PKNOX2: variants seen among roughly 807,000 people sequenced by gnomAD.
PKNOX2 encodes the protein PBX/knotted 1 homeobox 2, also known as homeobox protein PKNOX2.
In PKNOX2, 14 loss-of-function variants were observed where a neutral mutation model predicts 53.1. The ratio of observed to expected loss-of-function variants is 0.26; its 90% CI spans 0.17 to 0.41. The LOEUF (loss-of-function observed/expected upper bound fraction) is 0.41, where lower values mean the gene tolerates loss of function less well. Ranked by LOEUF, PKNOX2 falls within the 10% of genes least tolerant of loss-of-function variation. PKNOX2 has a pLI of 1.00. For missense variants in PKNOX2, 496 were observed against 602.8 expected (o/e 0.82, Z 1.85); for synonymous variants, 257 against 242.8 (o/e 1.06, Z -0.54).
At position 125,175,031 on chromosome 11, in the gene PKNOX2, G is replaced by A. The variant is rs1320750961; in HGVS notation, c.-201+10255G>A. ...TTCCAAGGAACCTGACTTAGTCTCC[G>A]GCACTGGCATAGCACCCCTTGAGAA... is the stretch of plus-strand genomic sequence containing the variant. On this transcript the variant is annotated intron_variant, in intron 1 of 12. Transcript: ENST00000298282. Among the ~76,000 whole-genome samples, 19 of 152,118 alleles carry A rather than the reference G, an allele frequency of 1.2e-4. 1 individual carries two copies. The highest frequency in any genetic ancestry group is 2.6e-4 in the Non-Finnish European group (18 of 68,028).
At chr11:125,269,367 A>G (rs1273625276) in intron 2 of PKNOX2, among the ~76,000 whole-genome samples, 1 of 152,090 alleles carries the variant, frequency 6.6e-6, no homozygotes, top group Non-Finnish European at 1.5e-5. Context: ...CTTTATATTT[A>G]TGCTTTCTCT....
rs1565508182 is a variant in PKNOX2, at chr11:125,367,897, G to A, written c.139G>A (p.Ala47Thr). ...PSKAQAVHIS[A>T]PSAAASTPVP... The stretch of plus-strand genomic sequence containing the variant: ...CAAGGCCCAGGCTGTCCACATCTCT[G>A]CCCCCTCAGCTGCTGCCAGCACACC... Residue 47 changes from alanine (A) to threonine (T), a missense_variant, in exon 5 of 13, where the codon GCC (alanine) becomes ACC (threonine). By Grantham distance (58) the Ala-to-Thr change is moderately conservative. Around this residue, in one of 5 missense-constraint regions of PKNOX2, gnomAD observed 168 missense variants for 178.4 expected, o/e 0.94. Transcript: ENST00000298282. 9.3e-6 allele frequency: 15 copies of A among 1,613,532 alleles called. No individual in the cohort carries two copies. Among genetic ancestry groups the A allele is most frequent in the Non-Finnish European group, 1.2e-5 (14 of 1,179,868 alleles).
rs553690352 is a variant in PKNOX2 at position 125,309,581 on chromosome 11, T to A, written c.-129-22238T>A. On this transcript the variant is annotated intron_variant, in intron 2 of 12. Coordinates refer to ENST00000298282, the MANE Select transcript of PKNOX2 (RefSeq NM_001382323.2). ...TTTGCATTTTTTAGTAGAGACAGGG[T>A]TTCACCATGTTGGCCAGGCTGGTAT... Among the ~76,000 whole-genome samples the A allele has an allele frequency of 4.6e-3, 696 of 152,166 alleles. 2 individuals are homozygous for A. The highest frequency in any genetic ancestry group is 0.021 in the South Asian group (99 of 4,808).
In PKNOX2 at chr11:125,282,697, G is replaced by C. The variant is rs1022990430; in HGVS notation, c.-130+47582G>C. Among the ~76,000 whole-genome samples the C allele has an allele frequency of 5.9e-5, 9 of 152,198 alleles. No individual in the cohort carries two copies. The East Asian group carries it at 1.7e-3, about 29-fold the overall frequency. On this transcript the variant is annotated intron_variant, in intron 2 of 12. Transcript: ENST00000298282. ...GCTTTGTTTACCAAAGCTTCCAAGT[G>C]GGTGTAGAGGACCAAATTTAGACTA...
chr11:125,407,913 G>A (rs1185060301), intron 7 of PKNOX2, among the ~76,000 whole-genome samples: 2 of 152,340 alleles, frequency 1.3e-5, no homozygotes, highest in East Asian at 3.9e-4. Flanking sequence ...GGGTCCCGGT[G>A]TCACATGCAC....
intron 2 of PKNOX2, among the ~76,000 whole-genome samples, chr11:125,236,308 C>A (rs931449111): frequency 4.9e-5 from 7 of 141,598 alleles, no homozygotes; most frequent in Admixed American, 1.6e-4. Context: ...CAGGAGCAGT[C>A]GGATCTCCAG....
At chr11:125,309,929 T>C (rs751269371) in intron 2 of PKNOX2, among the ~76,000 whole-genome samples, 2 of 152,246 alleles carry the variant, frequency 1.3e-5, no homozygotes, top group East Asian at 1.9e-4. Flanking sequence ...GACTGAATTC[T>C]ACTGACCAAC....
At chr11:125,351,233 C>T in intron 3 of PKNOX2, 51 bp from the exon 4 acceptor site, 5 of 818,604 alleles carry the variant, frequency 6.1e-6, no homozygotes, top group Middle Eastern at 4.4e-4. Context: ...GTGCCCAGGG[C>T]GGGCCTGCTC....
chr11:125,253,747 C>A (rs1463097534), intron 2 of PKNOX2, among the ~76,000 whole-genome samples: 1 of 152,082 alleles, frequency 6.6e-6, no homozygotes, highest in African/African-American at 2.4e-5. Context: ...TAAATAAATG[C>A]TATTAGGGAA....
chr11:125,174,545 C>T (rs557051149), intron 1 of PKNOX2, among the ~76,000 whole-genome samples: 3 of 152,330 alleles, frequency 2.0e-5, no homozygotes, highest in South Asian at 4.1e-4. Flanking sequence ...CGAGGTCCAT[C>T]AGGCACCATG....
At position 125,166,245 on chromosome 11, in the gene PKNOX2, T is replaced by C. The variant is rs1246233067; in HGVS notation, c.-201+1469T>C. Reference sequence around the variant, plus strand: ...AGCTTTTTCTTGTGGTGGAAGCTATTGGAATTTGGGGAGGGTAGCACGAGG... The same window carrying C: ...AGCTTTTTCTTGTGGTGGAAGCTATCGGAATTTGGGGAGGGTAGCACGAGG... On this transcript the variant is annotated intron_variant, in intron 1 of 12. Transcript: ENST00000298282. The surrounding 1 kb of genome is among the most constrained non-coding windows in gnomAD (Gnocchi z 4.0). 6.6e-6 allele frequency among the ~76,000 whole-genome samples: 1 copy of C among 152,002 alleles called. No homozygotes were observed. The highest frequency in any genetic ancestry group is 1.9e-4 in the East Asian group (1 of 5,176).
At chr11:125,283,334 T>C (rs1946696108) in intron 2 of PKNOX2, among the ~76,000 whole-genome samples, 1 of 152,194 alleles carries the variant, frequency 6.6e-6, no homozygotes, top group Non-Finnish European at 1.5e-5. Flanking sequence ...GAATGGAGGT[T>C]GGGGTCAAGA....
chr11:125,396,584 A>T (rs1294512781), intron 6 of PKNOX2, among the ~76,000 whole-genome samples: 12 of 140,760 alleles, frequency 8.5e-5, no homozygotes, highest in African/African-American at 3.0e-4. Flanking sequence ...AACTTTTAAA[A>T]AAAAAAAAAA....
At chr11:125,401,895 C>G (rs1330678666) in intron 7 of PKNOX2, among the ~76,000 whole-genome samples, 2 of 152,164 alleles carry the variant, frequency 1.3e-5, no homozygotes, top group Admixed American at 6.5e-5. Context: ...GGTGTCTCCC[C>G]TCTGGAACAT....
intron 1 of PKNOX2, among the ~76,000 whole-genome samples, chr11:125,192,053 G>A (rs1262105650): frequency 6.6e-6 from 1 of 152,100 alleles, no homozygotes; most frequent in African/African-American, 2.4e-5. Context: ...AGGGATTATT[G>A]TGGCACAGGG....
At chr11:125,257,642 C>T (rs1455324937) in intron 2 of PKNOX2, among the ~76,000 whole-genome samples, 2 of 152,156 alleles carry the variant, frequency 1.3e-5, no homozygotes, top group Non-Finnish European at 2.9e-5. Context: ...ACGATCCTGC[C>T]CACAGGTAAG....
intron 2 of PKNOX2, among the ~76,000 whole-genome samples, chr11:125,310,524 A>C (rs1263994954): frequency 3.3e-5 from 5 of 151,752 alleles, no homozygotes; most frequent in Non-Finnish European, 7.4e-5. Flanking sequence ...ATAATAATAT[A>C]TAAATAAATA....
rs563394804 is a variant in PKNOX2 at position 125,250,116 on chromosome 11, A to G, written c.-130+15001A>G. Reference sequence around the variant, plus strand: ...ACAATTTAGACATGGGAGTCTCACTATGTTGCCCAGGCTAGACTCGAACTC... The same window carrying G: ...ACAATTTAGACATGGGAGTCTCACTGTGTTGCCCAGGCTAGACTCGAACTC... On this transcript the variant is annotated intron_variant, in intron 2 of 12. Transcript: ENST00000298282. Among the ~76,000 whole-genome samples the G allele has an allele frequency of 3.4e-5, 5 of 148,022 alleles. No individual in the cohort carries two copies. In the South Asian group the frequency reaches 8.7e-4, roughly 26 times the overall value.
rs546699259 is a variant in PKNOX2, at chr11:125,215,407, C to G, written c.-200-19638C>G. On this transcript the variant is annotated intron_variant, in intron 1 of 12. Coordinates refer to ENST00000298282, the MANE Select transcript of PKNOX2 (RefSeq NM_001382323.2). Reference sequence around the variant, plus strand: ...TTTCTCACCTGTAAAACGAGCATAACTTGCCCAAGGTCATTCAGCTAGAAA... The same window carrying G: ...TTTCTCACCTGTAAAACGAGCATAAGTTGCCCAAGGTCATTCAGCTAGAAA... Among the ~76,000 whole-genome samples, 38 of 152,168 alleles carry G rather than the reference C, an allele frequency of 2.5e-4. 2 individuals are homozygous for G. In the South Asian group the frequency reaches 7.7e-3, roughly 31 times the overall value.
Sources: allele counts gnomAD v4.1 joint callset (sites outside exome capture counted in the v4.1 genomes callset), GRCh38; gene constraint gnomAD v4.1.1; regional missense constraint gnomAD v4.1.1; non-coding constraint Gnocchi (gnomAD v3.1); transcripts MANE v1.5; gene names NCBI Gene and HGNC (gene_info 2026-07-23, HGNC 2026-07-21).